Variants in NEURL1 observed in about 807,000 individuals in gnomAD.
The protein encoded by NEURL1 is neuralized E3 ubiquitin protein ligase 1, also known as E3 ubiquitin-protein ligase NEURL1.
NEURL1 carries 26 observed loss-of-function variants against 41.2 expected under a neutral mutation model. That is an observed-to-expected ratio of 0.63 (90% confidence interval 0.46 to 0.87). The LOEUF (loss-of-function observed/expected upper bound fraction) is 0.87, where lower values mean the gene tolerates loss of function less well. Ranked by LOEUF, NEURL1 falls within the 40% of genes least tolerant of loss-of-function variation. NEURL1 has a pLI of 0.00. For synonymous variants in NEURL1, 400 were observed against 402.3 expected (o/e 0.99, Z 0.07); for missense variants, 761 against 871.1 (o/e 0.87, Z 1.59).
chr10:103,537,494 GGTGAT>G (rs1341903645), intron 1 of NEURL1, among the ~76,000 whole-genome samples: 1 of 152,058 alleles, frequency 6.6e-6, no homozygotes, highest in Non-Finnish European at 1.5e-5. Context: ...CCTGGGCTCA[GGTGAT>G]CTTCCTACCT....
intron 1 of NEURL1, among the ~76,000 whole-genome samples, chr10:103,538,222 G>C (rs1159219959): frequency 6.6e-6 from 1 of 151,920 alleles, no homozygotes; most frequent in African/African-American, 2.4e-5. Flanking sequence ...AGCCTCCTGA[G>C]TAGTTGGGAC....
chr10:103,581,706 G>A (rs1249420512), intron 3 of NEURL1, among the ~76,000 whole-genome samples: 1 of 152,148 alleles, frequency 6.6e-6, no homozygotes, highest in Non-Finnish European at 1.5e-5. Context: ...GGGAGGTGAT[G>A]GCCACACTAT....
chr10:103,572,128 A>G (rs1240244709), intron 3 of NEURL1, among the ~76,000 whole-genome samples: 1 of 152,218 alleles, frequency 6.6e-6, no homozygotes, highest in Admixed American at 6.5e-5. Flanking sequence ...CCAGGAAGTA[A>G]TTAAATTAAT....
rs1319787738 is a variant in NEURL1 at position 103,588,751 on chromosome 10, T to G, written c.1340-763T>G. 7.2e-6 allele frequency: 3 copies of G among 415,558 alleles called. No homozygotes were observed. The Admixed American group carries it at 8.3e-5, about 12-fold the overall frequency. The allele number at this position is 415,558 out of a possible 1,614,324, so 25.7% of individuals were successfully genotyped here. On this transcript the variant is annotated intron_variant, in intron 4 of 5. Coordinates refer to ENST00000369780, the MANE Select transcript of NEURL1 (RefSeq NM_004210.5). ...ACGAGGTGAGGAGATGGAGACCATC[T>G]TGGCCAACATGGTGAAACCCCGTCT... is the stretch of plus-strand genomic sequence containing the variant.
intron 1 of NEURL1, 50 bp from the exon 2 acceptor site, chr10:103,570,822 G>A: frequency 6.3e-7 from 1 of 1,580,164 alleles, no homozygotes; most frequent in Non-Finnish European, 8.6e-7. Flanking sequence ...ACTCTGGTCT[G>A]GCTCTTGGAC....
At chr10:103,496,312 A>G (rs944528199) in intron 1 of NEURL1, among the ~76,000 whole-genome samples, 2 of 152,218 alleles carry the variant, frequency 1.3e-5, no homozygotes, top group Non-Finnish European at 2.9e-5. Context: ...AGTGATTACA[A>G]TTATATTTGT....
chr10:103,585,065 G>C lies in NEURL1; in HGVS notation c.1179G>C (p.Leu393=). Residue 393 remains leucine (L), a synonymous_variant, in exon 4 of 6, where the codon CTG becomes CTC. Coordinates refer to ENST00000369780, the MANE Select transcript of NEURL1 (RefSeq NM_004210.5). ...CCGTGTGCCGCGTGCCCGGGCCCCTGCACAGCGGCGACATCCTGGGCCTGG... is the reference window on the plus strand; with the variant it reads ...CCGTGTGCCGCGTGCCCGGGCCCCTCCACAGCGGCGACATCCTGGGCCTGG... ...FWAVCRVPGP[L]HSGDILGLVV... 6.3e-7 allele frequency: 1 copy of C among 1,590,556 alleles called. No homozygotes were observed. Among genetic ancestry groups the C allele is most frequent in the Non-Finnish European group, 8.5e-7 (1 of 1,176,512 alleles).
rs575166034 is a variant in NEURL1 at position 103,571,715 on chromosome 10, G to A, written c.542G>A (p.Arg181His). Residue 181 changes from arginine to histidine, a missense_variant, in exon 3 of 6, where the codon CGC becomes CAC. Arg to His is a conservative substitution (Grantham distance 29). Coordinates refer to ENST00000369780, the MANE Select transcript of NEURL1 (RefSeq NM_004210.5). The part of the protein sequence containing the change: ...WVDKKGRVFH[R>H]INDSAVMLFF... Reference sequence around the variant, plus strand: ...GACAAGAAGGGCCGTGTCTTCCACCGCATCAACGACTCGGCTGTTATGCTG... The same window carrying A: ...GACAAGAAGGGCCGTGTCTTCCACCACATCAACGACTCGGCTGTTATGCTG... The A allele has an allele frequency of 1.9e-6, 3 of 1,614,178 alleles. No individual in the cohort carries two copies. Among genetic ancestry groups the A allele is most frequent in the South Asian group, 1.1e-5 (1 of 91,086 alleles).
At chr10:103,563,177 T>C (rs948553682) in intron 1 of NEURL1, among the ~76,000 whole-genome samples, 6 of 152,140 alleles carry the variant, frequency 3.9e-5, no homozygotes, top group African/African-American at 9.7e-5. Flanking sequence ...TTTCCTGCAG[T>C]AGTTATGTTT....
At chr10:103,535,958 G>A (rs2034683186) in intron 1 of NEURL1, among the ~76,000 whole-genome samples, 1 of 152,222 alleles carries the variant, frequency 6.6e-6, no homozygotes, top group Non-Finnish European at 1.5e-5. Context: ...GCATGGCACA[G>A]CATTGGCTTC....
intron 3 of NEURL1, among the ~76,000 whole-genome samples, chr10:103,573,697 ATGGTG>A (rs1052104062): frequency 6.6e-6 from 1 of 152,164 alleles, no homozygotes; most frequent in Non-Finnish European, 1.5e-5. Flanking sequence ...ACTTAACCAC[ATGGTG>A]GAAGACAAAG....
intron 1 of NEURL1, among the ~76,000 whole-genome samples, chr10:103,495,880 G>C (rs1010005217): frequency 1.3e-5 from 2 of 152,222 alleles, no homozygotes; most frequent in Non-Finnish European, 2.9e-5. Flanking sequence ...GGCTGAGGCA[G>C]GTGGATCACT....
At chr10:103,569,094 C>T (rs867596153) in intron 1 of NEURL1, among the ~76,000 whole-genome samples, 4 of 152,204 alleles carry the variant, frequency 2.6e-5, no homozygotes, top group South Asian at 2.1e-4. Flanking sequence ...AGATTACAGG[C>T]GTGAGCCATG....
intron 1 of NEURL1, among the ~76,000 whole-genome samples, chr10:103,534,180 ATT>A (rs35899711): frequency 2.0e-4 from 28 of 138,670 alleles, no homozygotes; most frequent in African/African-American, 6.4e-4. Context: ...GTCTATCTGT[ATT>A]TTTTTTTTTT....
In NEURL1 at chr10:103,494,455, A is replaced by G; in HGVS notation, c.68A>G (p.His23Arg). ...RGNPSRAPRG[H>R]PQNLKDSIGG... is the part of the protein sequence containing the mutation. ...AACCCGAGCCGCGCGCCGCGGGGCC[A>G]CCCCCAGAACCTCAAAGGTAGGCTC... The change falls in exon 1 of 6, where the codon CAC (histidine) becomes CGC (arginine). Residue 23 changes from histidine to arginine, a missense_variant. His to Arg is a conservative substitution (Grantham distance 29, BLOSUM62 0). This residue lies in a region of NEURL1 where 94 missense variants were observed against 96.6 expected (regional missense o/e 0.97). Coordinates refer to ENST00000369780, the MANE Select transcript of NEURL1 (RefSeq NM_004210.5). 2 of 1,589,408 alleles carry G rather than the reference A, an allele frequency of 1.3e-6. No individual in the cohort carries two copies. Among genetic ancestry groups the G allele is most frequent in the Non-Finnish European group, 1.7e-6 (2 of 1,168,264 alleles).
intron 1 of NEURL1, among the ~76,000 whole-genome samples, chr10:103,559,885 TAC>T (rs776277226): frequency 1.3e-5 from 2 of 151,410 alleles, no homozygotes; most frequent in Non-Finnish European, 1.5e-5. Context: ...CGCACACACA[TAC>T]ACACATGCAT....
chr10:103,578,129 T>G (rs116523642), intron 3 of NEURL1, among the ~76,000 whole-genome samples: 1,524 of 152,254 alleles, frequency 0.01, 26 homozygotes, highest in African/African-American at 0.035. Context: ...TGGCCACTCA[T>G]TAGCTCTGGG....
chr10:103,534,112 T>C (rs1434781826), intron 1 of NEURL1, among the ~76,000 whole-genome samples: 1 of 152,104 alleles, frequency 6.6e-6, no homozygotes, highest in African/African-American at 2.4e-5. Flanking sequence ...ATTGTTTCTA[T>C]CTCTTTGTTG....
At position 103,493,834 on chromosome 10, in the gene NEURL1, G is replaced by C. The variant is rs938022877; in HGVS notation, c.-554G>C. On this transcript the variant is annotated 5_prime_UTR_variant, in exon 1 of 6. Coordinates refer to ENST00000369780, the MANE Select transcript of NEURL1 (RefSeq NM_004210.5). ...GCGCGGGCGGGACCGCGGCGGTCGG[G>C]GGACACCAGCTGCGTCGGAGCGCCC... 1.1e-4 allele frequency: 17 copies of C among 151,884 alleles called. No homozygotes were observed. Among genetic ancestry groups the C allele is most frequent in the African/African-American group, 4.1e-4 (17 of 41,406 alleles). 9.4% of individuals were successfully genotyped at this position (151,884 alleles called of 1,614,324 possible). A position where few individuals can be genotyped will look rare whatever the true frequency, so the allele number is the denominator to read the frequency against.
Sources: gnomAD v4.1 joint callset for allele counts (sites outside exome capture counted in the v4.1 genomes callset) on GRCh38, gnomAD v4.1.1 for gene constraint, gnomAD v4.1.1 regional missense constraint, MANE v1.5 for transcripts, NCBI Gene and HGNC (gene_info 2026-07-23, HGNC 2026-07-21) for gene names.